Variants in RANBP17 observed in about 807,000 individuals in gnomAD.
The protein encoded by RANBP17 is ran-binding protein 17.
Under a neutral mutation model 141.2 loss-of-function variants are expected in RANBP17, and 158 were observed. The observed-to-expected ratio is 1.12, with a 90% CI of 0.98 to 1.28. RANBP17 has a LOEUF of 1.28. Among genes scored for constraint, RANBP17 ranks in the 50% most tolerant of loss-of-function variants. RANBP17 has a pLI of 0.00. For synonymous variants in RANBP17, 430 were observed against 450.0 expected (o/e 0.96, Z 0.56); for missense variants, 1,438 against 1,290.7 (o/e 1.11, Z -1.75).
chr5:170,989,268 A>G (rs960712224), intron 14 of RANBP17, among the ~76,000 whole-genome samples: 12 of 151,748 alleles, frequency 7.9e-5, no homozygotes, highest in Non-Finnish European at 1.5e-5. Context: ...CGCTGAAGCT[A>G]TTCAGTCTGT....
chr5:171,234,069 T>C (rs76853256), intron 22 of RANBP17, among the ~76,000 whole-genome samples: 7,566 of 150,350 alleles, frequency 0.05, 247 homozygotes, highest in East Asian at 0.12. Flanking sequence ...AAAAAAAAAA[T>C]ACACACACAC....
chr5:171,051,400 C>T (rs1782943413), intron 14 of RANBP17, among the ~76,000 whole-genome samples: 2 of 152,078 alleles, frequency 1.3e-5, no homozygotes, highest in South Asian at 2.1e-4. Context: ...TTCTTTATTT[C>T]CCCTGCCCCT....
chr5:171,172,168 T>C (rs1481745306), intron 16 of RANBP17, among the ~76,000 whole-genome samples: 3 of 151,908 alleles, frequency 2.0e-5, no homozygotes, highest in Non-Finnish European at 4.4e-5. Flanking sequence ...AAGTTTAAAA[T>C]TGTATTCCTT....
At chr5:171,193,784 C>T (rs567154457) in intron 18 of RANBP17, among the ~76,000 whole-genome samples, 1 of 152,096 alleles carries the variant, frequency 6.6e-6, no homozygotes, top group Non-Finnish European at 1.5e-5. Context: ...TTTTAAGGAC[C>T]CTTGTGATTA....
chr5:170,948,067 C>T lies in RANBP17; in HGVS notation c.1469-5530C>T, dbSNP rs532496291. On this transcript the variant is annotated intron_variant, in intron 12 of 27. Coordinates refer to ENST00000523189, the MANE Select transcript of RANBP17 (RefSeq NM_022897.5). ...TAAGTATTGAAAATTGATAGGATAT[C>T]TTGGTAAGGTCTGAGAAGGTGACAT... is the stretch of plus-strand genomic sequence containing the variant. 5.9e-5 allele frequency among the ~76,000 whole-genome samples: 9 copies of T among 152,206 alleles called. 1 individual carries two copies. In the South Asian group the frequency reaches 1.9e-3, roughly 32 times the overall value.
At chr5:170,866,661 C>T (rs1401786015) in intron 1 of RANBP17, among the ~76,000 whole-genome samples, 1 of 150,280 alleles carries the variant, frequency 6.7e-6, no homozygotes, top group African/African-American at 2.5e-5. Flanking sequence ...GGCAACAGAG[C>T]GAGACTCCAT....
At chr5:171,250,731 G>T (rs1765504197) in intron 24 of RANBP17, among the ~76,000 whole-genome samples, 1 of 151,962 alleles carries the variant, frequency 6.6e-6, no homozygotes, top group Non-Finnish European at 1.5e-5. Flanking sequence ...CAAGAAAAGG[G>T]GAAAAAAGAC....
intron 6 of RANBP17, 110 bp downstream of exon 6, chr5:170,909,875 T>C: frequency 3.0e-6 from 2 of 660,116 alleles, no homozygotes; most frequent in Non-Finnish European, 5.3e-6. Context: ...TAAAGAATTA[T>C]TGTGGACAGA....
intron 25 of RANBP17, among the ~76,000 whole-genome samples, chr5:171,286,557 G>A (rs1768182682): frequency 1.3e-5 from 2 of 152,030 alleles, no homozygotes; most frequent in Admixed American, 1.3e-4. Context: ...ATCCAGGCAG[G>A]AAAATATAAC....
intron 27 of RANBP17, among the ~76,000 whole-genome samples, chr5:171,296,942 A>G (rs773377344): frequency 5.3e-5 from 8 of 152,208 alleles, no homozygotes; most frequent in Non-Finnish European, 1.2e-4. Flanking sequence ...TAAAATTAAA[A>G]GTTTTTAAAG....
chr5:171,269,549 A>T (rs887834484), intron 25 of RANBP17, among the ~76,000 whole-genome samples: 12 of 152,162 alleles, frequency 7.9e-5, no homozygotes, highest in African/African-American at 2.9e-4. Context: ...GGTCCCATTG[A>T]TCATCTGTTT....
chr5:171,042,804 G>A (rs1426792116), intron 14 of RANBP17, among the ~76,000 whole-genome samples: 1 of 152,048 alleles, frequency 6.6e-6, no homozygotes, highest in Non-Finnish European at 1.5e-5. Context: ...TTTTTGTCAG[G>A]ACAATCAGGT....
At chr5:170,933,692 A>G (rs1010981925) in intron 12 of RANBP17, among the ~76,000 whole-genome samples, 1 of 152,180 alleles carries the variant, frequency 6.6e-6, no homozygotes, top group Non-Finnish European at 1.5e-5. Flanking sequence ...ATTCAGGAGC[A>G]GGTTGTTCAG....
intron 3 of RANBP17, among the ~76,000 whole-genome samples, chr5:170,887,827 G>T (rs1404342799): frequency 1.3e-5 from 2 of 151,792 alleles, no homozygotes; most frequent in South Asian, 4.1e-4. Flanking sequence ...TGGTGGGAGG[G>T]CAAAGAGAAG....
intron 14 of RANBP17, among the ~76,000 whole-genome samples, chr5:171,145,396 C>CT (rs911213864): frequency 1.3e-4 from 20 of 151,336 alleles, no homozygotes; most frequent in Middle Eastern, 6.8e-3. Context: ...CAAGATTTGT[C>CT]TTTTTTTTTA....
chr5:171,295,570 G>T (rs1317109540), intron 26 of RANBP17, among the ~76,000 whole-genome samples: 1 of 152,104 alleles, frequency 6.6e-6, no homozygotes, highest in Non-Finnish European at 1.5e-5. Context: ...TCTTTCTGTG[G>T]TTAGTAGAGA....
intron 14 of RANBP17, among the ~76,000 whole-genome samples, chr5:170,984,647 A>AG (rs1363552246): frequency 6.6e-6 from 1 of 152,128 alleles, no homozygotes; most frequent in Non-Finnish European, 1.5e-5. Flanking sequence ...ACAAAAAAAA[A>AG]GTGTAGCTAA....
intron 13 of RANBP17, among the ~76,000 whole-genome samples, chr5:170,964,653 T>C (rs1176741448): frequency 6.6e-6 from 1 of 152,128 alleles, no homozygotes; most frequent in Non-Finnish European, 1.5e-5. Flanking sequence ...CAGTGTTTGG[T>C]TTTTTGTCCT....
At chr5:170,934,641 C>T (rs894781929) in intron 12 of RANBP17, among the ~76,000 whole-genome samples, 2 of 152,216 alleles carry the variant, frequency 1.3e-5, no homozygotes, top group Non-Finnish European at 2.9e-5. Context: ...CCCCCACTCT[C>T]TTCTGGCTTG....
Sources: allele counts gnomAD v4.1 joint callset (sites outside exome capture counted in the v4.1 genomes callset), GRCh38; gene constraint gnomAD v4.1.1; transcripts MANE v1.5; gene names NCBI Gene and HGNC (gene_info 2026-07-23, HGNC 2026-07-21).